The following SMURF1 variants were observed in gnomAD, a reference collection of about 807,000 sequenced individuals.
SMURF1 encodes SMAD specific E3 ubiquitin protein ligase 1, also known as E3 ubiquitin-protein ligase SMURF1.
In SMURF1, 44 loss-of-function variants were observed where a neutral mutation model predicts 98.0. The ratio of observed to expected loss-of-function variants is 0.45; its 90% CI spans 0.35 to 0.58. SMURF1 has a LOEUF of 0.58. Ranked by LOEUF, SMURF1 falls within the 20% of genes least tolerant of loss-of-function variation. The pLI, the probability that SMURF1 is intolerant of heterozygous loss-of-function variation, is 0.00. For synonymous variants in SMURF1, 396 were observed against 374.9 expected, an observed-to-expected ratio of 1.06 and a Z score of -0.65; for missense variants, 687 against 938.4, an observed-to-expected ratio of 0.73 and a Z score of 3.50.
At chr7:99,143,121 G>C (rs974224603) in intron 1 of SMURF1, among the ~76,000 whole-genome samples, 15 of 149,062 alleles carry the variant, frequency 1.0e-4, no homozygotes, top group Non-Finnish European at 1.9e-4. Context: ...GAGAAGCGAG[G>C]GGGCGGGGAC....
chr7:99,099,487 C>G lies in SMURF1; in HGVS notation c.56-37650G>C, dbSNP rs117480004. 1.8e-3 allele frequency among the ~76,000 whole-genome samples: 278 copies of G among 152,210 alleles called. 1 individual carries two copies. The highest frequency in any genetic ancestry group is 3.4e-3 in the Middle Eastern group (1 of 294). The stretch of plus-strand genomic sequence containing the variant: ...GCTTTCTAAGGTCCGTGCAGTAATT[C>G]CTTTCCCAGGATAGGGGGGGAAATG... On this transcript the variant is annotated intron_variant, in intron 1 of 17. Coordinates refer to ENST00000361368, the MANE Select transcript of SMURF1 (RefSeq NM_181349.3).
At chr7:99,041,629 A>G (rs1795384754) in intron 12 of SMURF1, among the ~76,000 whole-genome samples, 1 of 152,204 alleles carries the variant, frequency 6.6e-6, no homozygotes, top group African/African-American at 2.4e-5. Flanking sequence ...GTGCCACAGG[A>G]GGAGTCCCCT....
In SMURF1 at chr7:99,113,837, T is replaced by TAAAAA. The variant is rs71118659; in HGVS notation, c.55+29884_55+29888dup. ...CTGGGTGACAAAGTGAGACTCCGTC[T>TAAAAA]AAAAAAAAAAAAAAAAAAAAAAAAA... On this transcript the variant is annotated intron_variant, in intron 1 of 17. Coordinates refer to ENST00000361368, the MANE Select transcript of SMURF1 (RefSeq NM_181349.3). 3.2e-3 allele frequency among the ~76,000 whole-genome samples: 108 copies of TAAAAA among 33,974 alleles called. 2 individuals are homozygous for TAAAAA. Among genetic ancestry groups the TAAAAA allele is most frequent in the African/African-American group, 0.015 (103 of 6,872 alleles). 22.3% of individuals were successfully genotyped at this position (33,974 alleles called of 152,430 possible). A position where few individuals can be genotyped will look rare whatever the true frequency, so the allele number is the denominator to read the frequency against.
At chr7:99,046,869 G>C (rs980683726) in intron 10 of SMURF1, among the ~76,000 whole-genome samples, 2 of 152,114 alleles carry the variant, frequency 1.3e-5, no homozygotes, top group African/African-American at 4.8e-5. Context: ...CAGCAGGCAG[G>C]GCTGGGCGCT....
intron 3 of SMURF1, among the ~76,000 whole-genome samples, chr7:99,058,466 C>T (rs1158884170): frequency 1.3e-5 from 2 of 152,106 alleles, no homozygotes; most frequent in Non-Finnish European, 2.9e-5. Flanking sequence ...AGGACAGTAA[C>T]ATGATTCATA....
At chr7:99,093,298 A>T (rs967181541) in intron 1 of SMURF1, among the ~76,000 whole-genome samples, 1 of 152,190 alleles carries the variant, frequency 6.6e-6, no homozygotes, top group African/African-American at 2.4e-5. Context: ...GGTTAATCAC[A>T]TTAAAAGCTG....
At chr7:99,033,618 A>G (rs994750447) in intron 16 of SMURF1, among the ~76,000 whole-genome samples, 5 of 152,172 alleles carry the variant, frequency 3.3e-5, no homozygotes, top group African/African-American at 9.6e-5. Flanking sequence ...CAAGATGCCA[A>G]CATTTTAGAA....
At chr7:99,138,503 G>C (rs976642478) in intron 1 of SMURF1, among the ~76,000 whole-genome samples, 6 of 152,170 alleles carry the variant, frequency 3.9e-5, no homozygotes, top group Non-Finnish European at 4.4e-5. Context: ...CTGACATTGT[G>C]ACTGAACCGA....
intron 1 of SMURF1, among the ~76,000 whole-genome samples, chr7:99,079,998 A>G (rs1415666933): frequency 1.5e-5 from 1 of 67,500 alleles, no homozygotes; most frequent in Non-Finnish European, 5.3e-5. Flanking sequence ...TTAGTTAAGA[A>G]AAAAAAAAAA....
chr7:99,078,506 C>G (rs570496566), intron 1 of SMURF1, among the ~76,000 whole-genome samples: 15 of 152,280 alleles, frequency 9.9e-5, no homozygotes, highest in African/African-American at 2.6e-4. Flanking sequence ...CTCAACCCCC[C>G]CTCCCCTGCA....
intron 1 of SMURF1, among the ~76,000 whole-genome samples, chr7:99,101,650 A>G (rs1170235251): frequency 1.3e-5 from 2 of 152,182 alleles, no homozygotes; most frequent in Non-Finnish European, 2.9e-5. Context: ...GAAAAAAATG[A>G]TACACACGGC....
intron 9 of SMURF1, chr7:99,049,262 T>G (rs999179903): frequency 5.9e-6 from 2 of 337,112 alleles, no homozygotes; most frequent in East Asian, 1.5e-4. Context: ...AAGGGCCACG[T>G]GTCTCATGAG....
intron 1 of SMURF1, among the ~76,000 whole-genome samples, chr7:99,063,279 A>ATATATATATAAGATT (rs1796103819): frequency 5.2e-5 from 1 of 19,352 alleles, no homozygotes; most frequent in Admixed American, 8.1e-4. Context: ...ATATATATAT[A>ATATATATATAAGATT]TATATATATA....
intron 8 of SMURF1, chr7:99,051,055 G>T: frequency 1.4e-6 from 2 of 1,415,546 alleles, no homozygotes; most frequent in South Asian, 1.3e-5. Context: ...ATATTTCCTT[G>T]ACTTATGATG....
At chr7:99,137,907 G>C (rs1371282076) in intron 1 of SMURF1, among the ~76,000 whole-genome samples, 1 of 152,174 alleles carries the variant, frequency 6.6e-6, no homozygotes. Flanking sequence ...ATTTTAAAAA[G>C]AAGATATGCC....
chr7:99,073,178 C>A (rs1308544137), intron 1 of SMURF1, among the ~76,000 whole-genome samples: 2 of 151,570 alleles, frequency 1.3e-5, no homozygotes, highest in South Asian at 2.1e-4. Flanking sequence ...GAGCTCGAGA[C>A]CAGCCTGGCC....
Position 99,035,659 on chromosome 7 carries a change from G to A in SMURF1, c.1867C>T (p.Leu623=), listed in dbSNP as rs75899937. 1.7e-3 allele frequency: 2,726 copies of A among 1,614,230 alleles called. 39 individuals are homozygous for A. In the African/African-American group the frequency reaches 0.028, roughly 17 times the overall value. ...DLNDWKSNTR[L]KHCVADSNIV... ...TTGCTGTCGGCCACACAGTGCTTCA[G>A]CCGCGTGTTCGACTTCCAGTCGTTC... Residue 623 remains leucine (L), a synonymous_variant, in exon 16 of 18, where the codon CTG becomes TTG. Coordinates refer to ENST00000361368, the MANE Select transcript of SMURF1 (RefSeq NM_181349.3).
intron 2 of SMURF1, 79 bp from the exon 3 acceptor site, chr7:99,060,786 C>G (rs955213548): frequency 2.0e-5 from 18 of 917,568 alleles, no homozygotes; most frequent in Non-Finnish European, 2.8e-5. Flanking sequence ...TTCGTGTTCT[C>G]TAATTTCAGG....
chr7:99,035,541 G>A lies in SMURF1; in HGVS notation c.1985C>T (p.Pro662Leu). Residue 662 changes from proline (P) to leucine (L), a missense_variant, in exon 16 of 18, where the codon CCG becomes CTG. Around this residue, in one of 2 missense-constraint regions of SMURF1, gnomAD observed 272 missense variants for 430.0 expected, o/e 0.63. Transcript: ENST00000361368. ...TTGCAAAGCCTTGAAGCCTTGGAGC[G>A]GGACTCGCGTGGACCCAGTCACAAA... ...LQFVTGSTRV[P>L]LQGFKALQGS... 5 of 1,614,206 alleles carry A rather than the reference G, an allele frequency of 3.1e-6. No homozygotes were observed. The highest frequency in any genetic ancestry group is 4.5e-5 in the East Asian group (2 of 44,880).
Sources: gnomAD v4.1 joint callset for allele counts (sites outside exome capture counted in the v4.1 genomes callset) on GRCh38, gnomAD v4.1.1 for gene constraint, gnomAD v4.1.1 regional missense constraint, MANE v1.5 for transcripts, NCBI Gene and HGNC (gene_info 2026-07-23, HGNC 2026-07-21) for gene names.